The following CRLF3 variants were observed in gnomAD, a reference collection of about 807,000 sequenced individuals.
The protein encoded by CRLF3 is cytokine receptor like factor 3.
In CRLF3, 33 loss-of-function variants were observed where a neutral mutation model predicts 55.0. The ratio of observed to expected loss-of-function variants is 0.60; its 90% confidence interval spans 0.46 to 0.80. The LOEUF (loss-of-function observed/expected upper bound fraction) is 0.80, where lower values mean the gene tolerates loss of function less well. Among genes scored for constraint, CRLF3 ranks in the 30% least tolerant of loss-of-function variants. The probability of loss-of-function intolerance (pLI) is 0.00; values close to 1 mark genes in which losing one functional copy is unlikely to be tolerated. For synonymous variants in CRLF3, 238 were observed against 196.8 expected, an observed-to-expected ratio of 1.21 and a Z score of -1.75; for missense variants, 494 against 538.4, an observed-to-expected ratio of 0.92 and a Z score of 0.82.
chr17:30,802,440 A>G (rs1285282472), intron 2 of CRLF3, among the ~76,000 whole-genome samples: 2 of 115,784 alleles, frequency 1.7e-5, no homozygotes, highest in African/African-American at 6.7e-5. Context: ...GTCTTATTTT[A>G]TATTTTTTGA....
At chr17:30,824,452 C>T (rs1905082081) in intron 1 of CRLF3, 71 bp downstream of exon 1, 3 of 1,475,350 alleles carry the variant, frequency 2.0e-6, no homozygotes, top group Admixed American at 4.2e-5. Flanking sequence ...CCCTCAAAGC[C>T]CTCCCAGCCT....
chr17:30,798,763 C>T (rs1226289129), intron 2 of CRLF3, among the ~76,000 whole-genome samples: 1 of 151,312 alleles, frequency 6.6e-6, no homozygotes, highest in Non-Finnish European at 1.5e-5. Flanking sequence ...CGCTTGAACC[C>T]GAGAGGTGGA....
intron 6 of CRLF3, among the ~76,000 whole-genome samples, chr17:30,788,905 T>C (rs893454142): frequency 7.9e-5 from 12 of 151,866 alleles, no homozygotes; most frequent in African/African-American, 2.9e-4. Flanking sequence ...CGTGCCCGGC[T>C]AACGTAGTGC....
In CRLF3 at chr17:30,783,174, C is replaced by T. The variant is rs1170797593; in HGVS notation, c.*1013G>A. 1 of 152,208 alleles carries T rather than the reference C, an allele frequency of 6.6e-6. No individual in the cohort carries two copies. The highest frequency in any genetic ancestry group is 1.5e-5 in the Non-Finnish European group (1 of 68,044). 9.4% of individuals were successfully genotyped at this position (152,208 alleles called of 1,614,324 possible). On this transcript the variant is annotated 3_prime_UTR_variant, in exon 8 of 8. Transcript: ENST00000324238. ...TGGATACACACGTGCATATTACATACATATGAAATGGCTAACACTGCTGTG... is the reference window on the plus strand; with the variant it reads ...TGGATACACACGTGCATATTACATATATATGAAATGGCTAACACTGCTGTG...
chr17:30,815,764 G>A (rs894959258), intron 1 of CRLF3, among the ~76,000 whole-genome samples: 1 of 150,096 alleles, frequency 6.7e-6, no homozygotes, highest in African/African-American at 2.4e-5. Flanking sequence ...GGCTGGTCTC[G>A]AACTCCTGAC....
At chr17:30,796,056 G>A (rs1246475205) in intron 4 of CRLF3, 104 bp downstream of exon 4, 1 of 670,626 alleles carries the variant, frequency 1.5e-6, no homozygotes, top group African/African-American at 1.8e-5. Flanking sequence ...TTTTGTTTGA[G>A]AAGAAAAGAA....
At chr17:30,808,061 TCTAC>T (rs1221650980) in intron 1 of CRLF3, among the ~76,000 whole-genome samples, 2 of 152,144 alleles carry the variant, frequency 1.3e-5, no homozygotes, top group African/African-American at 4.8e-5. Context: ...TGGGCCCTCA[TCTAC>T]ATAGCATCTG....
At chr17:30,790,247 C>T (rs1971760682) in intron 6 of CRLF3, among the ~76,000 whole-genome samples, 1 of 152,042 alleles carries the variant, frequency 6.6e-6, no homozygotes, top group Admixed American at 6.6e-5. Context: ...AATAAAATCC[C>T]ATCTCAAGAC....
At chr17:30,818,595 A>G (rs1359600421) in intron 1 of CRLF3, among the ~76,000 whole-genome samples, 1 of 150,760 alleles carries the variant, frequency 6.6e-6, no homozygotes, top group Middle Eastern at 3.4e-3. Context: ...CTAAGATTAC[A>G]GGCGCCCACC....
intron 1 of CRLF3, among the ~76,000 whole-genome samples, chr17:30,810,386 T>G (rs928352015): frequency 6.6e-6 from 1 of 151,404 alleles, no homozygotes; most frequent in Non-Finnish European, 1.5e-5. Context: ...GCCAACATGG[T>G]GAAACCCCGT....
In CRLF3 at chr17:30,784,214, A is replaced by G; in HGVS notation, c.1302T>C (p.Tyr434=). The G allele has an allele frequency of 6.2e-7, 1 of 1,614,030 alleles. No individual in the cohort carries two copies. The highest frequency in any genetic ancestry group is 1.1e-5 in the South Asian group (1 of 91,056). ...AAAACACTAACACTTTCCATCCAGG[A>G]TAGAAAAATGAGCATCCAAAGTAAA... is the stretch of plus-strand genomic sequence containing the variant. The part of the protein sequence containing the change: ...GSLYFGCSFF[Y]PGWKVLVF Residue 434 remains tyrosine, a synonymous_variant, in exon 8 of 8, where the codon TAT becomes TAC. Coordinates refer to ENST00000324238, the MANE Select transcript of CRLF3 (RefSeq NM_015986.4).
chr17:30,788,604 T>TA (rs1971708271), intron 6 of CRLF3, among the ~76,000 whole-genome samples: 1 of 131,706 alleles, frequency 7.6e-6, no homozygotes, highest in African/African-American at 2.9e-5. Context: ...GCCTTCTTTT[T>TA]TTTTTTTTTT....
In CRLF3 at chr17:30,784,104, T is replaced by G; in HGVS notation, c.*83A>C. ...GGCCTAAGTTAGAGATGAATTCAAC[T>G]TTTTTTTTAAAGCAATTACAACTAC... On this transcript the variant is annotated 3_prime_UTR_variant, in exon 8 of 8. Coordinates refer to ENST00000324238, the MANE Select transcript of CRLF3 (RefSeq NM_015986.4). 1 of 1,212,074 alleles carries G rather than the reference T, an allele frequency of 8.3e-7. No homozygotes were observed. The highest frequency in any genetic ancestry group is 2.4e-5 in the East Asian group (1 of 41,002). The allele number at this position is 1,212,074 out of a possible 1,614,324, so 75.1% of individuals were successfully genotyped here. A position where few individuals can be genotyped will look rare whatever the true frequency, so the allele number is the denominator to read the frequency against.
At chr17:30,802,306 G>A (rs1368317316) in intron 2 of CRLF3, among the ~76,000 whole-genome samples, 1 of 152,060 alleles carries the variant, frequency 6.6e-6, no homozygotes, top group African/African-American at 2.4e-5. Flanking sequence ...ATTTTTAGTA[G>A]GGACGGGGTT....
chr17:30,785,783 A>AT, intron 7 of CRLF3, 136 bp downstream of exon 7: 21 of 290,540 alleles, frequency 7.2e-5, no homozygotes, highest in Middle Eastern at 8.6e-4. Context: ...CTTCATAATA[A>AT]AAAAAAAAAA....
In CRLF3 at chr17:30,784,461, A is replaced by ATC; in HGVS notation, c.1073-19_1073-18insGA. On this transcript the variant is annotated intron_variant, in intron 7 of 7. Transcript: ENST00000324238. The stretch of plus-strand genomic sequence containing the variant: ...AACTGCACCTAAAATGTTAAGGTAA[A>ATC]GAGTCATTTACATGTGAGCAATAAC... 6.2e-7 allele frequency: 1 copy of ATC among 1,601,640 alleles called. No individual in the cohort carries two copies. Among genetic ancestry groups the ATC allele is most frequent in the Middle Eastern group, 1.7e-4 (1 of 5,974 alleles).
At chr17:30,807,136 G>A (rs753039264) in intron 1 of CRLF3, among the ~76,000 whole-genome samples, 1 of 151,954 alleles carries the variant, frequency 6.6e-6, no homozygotes, top group African/African-American at 2.4e-5. Context: ...CTAACTATAA[G>A]CCACTCCGAT....
At chr17:30,797,707 A>T (rs747091729) in intron 2 of CRLF3, among the ~76,000 whole-genome samples, 5 of 152,070 alleles carry the variant, frequency 3.3e-5, no homozygotes, top group Non-Finnish European at 7.4e-5. Context: ...TCTCCTACAG[A>T]ATCATTATGA....
At position 30,784,262 on chromosome 17, in the gene CRLF3, T is replaced by A; in HGVS notation, c.1254A>T (p.Leu418Phe). Reference sequence around the variant, plus strand: ...AAAGAGAACCACAAGACTGATCAAGTAACCAGTCAAAAACCACTTCTCTAT... The same window carrying A: ...AAAGAGAACCACAAGACTGATCAAGAAACCAGTCAAAAACCACTTCTCTAT... ...SNNREVVFDWLLDQSCGSLYF... is the reference protein window; with the variant it reads ...SNNREVVFDWFLDQSCGSLYF... The change falls in exon 8 of 8, where the codon TTA (leucine) becomes TTT (phenylalanine). Residue 418 changes from leucine to phenylalanine, a missense_variant. By Grantham distance (22) the Leu-to-Phe change is conservative. Coordinates refer to ENST00000324238, the MANE Select transcript of CRLF3 (RefSeq NM_015986.4). 6.2e-7 allele frequency: 1 copy of A among 1,613,822 alleles called. No individual in the cohort carries two copies. The highest frequency in any genetic ancestry group is 8.5e-7 in the Non-Finnish European group (1 of 1,179,740).
Sources: gnomAD v4.1 joint callset for allele counts (sites outside exome capture counted in the v4.1 genomes callset) on GRCh38, gnomAD v4.1.1 for gene constraint, MANE v1.5 for transcripts, NCBI Gene and HGNC (gene_info 2026-07-23, HGNC 2026-07-21) for gene names.